COL5A2: variants seen among roughly 807,000 people sequenced by gnomAD.
COL5A2 encodes the protein collagen alpha-2(V) chain.
In COL5A2, 23 loss-of-function variants were observed where a neutral mutation model predicts 208.2. That is an observed-to-expected ratio of 0.11 (90% confidence interval 0.08 to 0.16). COL5A2 has a LOEUF of 0.16. COL5A2 is among the 10% of genes least tolerant of loss of function. The probability of loss-of-function intolerance (pLI) is 1.00; values close to 1 mark genes in which losing one functional copy is unlikely to be tolerated. For missense variants in COL5A2, 1,590 were observed against 1,956.4 expected (o/e 0.81, Z 3.53); for synonymous variants, 625 against 628.5 (o/e 0.99, Z 0.08).
At chr2:189,277,332 T>TCA in the COL5A2 span, among the ~76,000 whole-genome samples, 1 of 152,136 alleles carries the variant, frequency 6.6e-6, no homozygotes, top group Non-Finnish European at 1.5e-5. Context: ...CCAAGATTCA[T>TCA]GGAAGCTCAT....
At chr2:189,171,229 C>T (rs552307686) in intron 1 of COL5A2, among the ~76,000 whole-genome samples, 3 of 152,068 alleles carry the variant, frequency 2.0e-5, no homozygotes, top group African/African-American at 7.2e-5. Flanking sequence ...GCTAGATCAG[C>T]AGGATCTTGT....
chr2:189,176,192 G>T (rs911277176), intron 1 of COL5A2, among the ~76,000 whole-genome samples: 1 of 152,178 alleles, frequency 6.6e-6, no homozygotes, highest in Non-Finnish European at 1.5e-5. Flanking sequence ...AAGTTAGCTT[G>T]GGTCCAGGAG....
At chr2:189,217,669 C>T (rs566277515) in intron 1 of COL5A2, among the ~76,000 whole-genome samples, 9 of 152,220 alleles carry the variant, frequency 5.9e-5, no homozygotes, top group Non-Finnish European at 7.4e-5. Flanking sequence ...CTAGCAGAGG[C>T]GCAGCTTCCA....
At chr2:189,221,706 C>T (rs191307423) in intron 1 of COL5A2, among the ~76,000 whole-genome samples, 99 of 151,950 alleles carry the variant, frequency 6.5e-4, no homozygotes, top group Non-Finnish European at 1.1e-3. Context: ...AGTTCTTGAC[C>T]CTTGCAAAGA....
chr2:189,418,412 T>TA, the COL5A2 span, among the ~76,000 whole-genome samples: 1 of 152,164 alleles, frequency 6.6e-6, no homozygotes, highest in African/African-American at 2.4e-5. Flanking sequence ...AGTTATCACT[T>TA]AGTCTTTTCT....
chr2:189,383,973 T>A, the COL5A2 span, among the ~76,000 whole-genome samples: 1 of 152,138 alleles, frequency 6.6e-6, no homozygotes, highest in Admixed American at 6.6e-5. Context: ...TGAGATCATT[T>A]TTTTAGCTCC....
At chr2:189,195,318 CACAA>C (rs1403570655) in intron 1 of COL5A2, among the ~76,000 whole-genome samples, 2 of 152,012 alleles carry the variant, frequency 1.3e-5, no homozygotes, top group Admixed American at 6.6e-5. Flanking sequence ...TAAGAGAGGA[CACAA>C]ACAAAGGAAA....
At chr2:189,382,276 G>A in the COL5A2 span, among the ~76,000 whole-genome samples, 30 of 152,068 alleles carry the variant, frequency 2.0e-4, no homozygotes, top group Admixed American at 2.6e-4. Flanking sequence ...AGGATCACCC[G>A]AGCCCGGGGA....
At chr2:189,175,796 G>T (rs1003723007) in intron 1 of COL5A2, among the ~76,000 whole-genome samples, 1 of 151,996 alleles carries the variant, frequency 6.6e-6, no homozygotes, top group Non-Finnish European at 1.5e-5. Flanking sequence ...CAGGTGATCC[G>T]CCCACCTCGG....
chr2:189,039,163 A>G (rs766622628), intron 51 of COL5A2, 109 bp downstream of exon 51: 77 of 1,336,668 alleles, frequency 5.8e-5, no homozygotes, highest in Middle Eastern at 1.8e-4. Context: ...TACTATTTTT[A>G]TCTCAAATCT....
At position 189,032,646 on chromosome 2, in the gene COL5A2, A is replaced by G. The variant is rs562299073; in HGVS notation, c.*1424T>C. On this transcript the variant is annotated 3_prime_UTR_variant, in exon 54 of 54. Coordinates refer to ENST00000374866, the MANE Select transcript of COL5A2 (RefSeq NM_000393.5). ...AAAAAAATTAAAATAGAGCCAACAA[A>G]TGCAATTAAGAAAAAAAAAGTATTG... The G allele has an allele frequency of 2.0e-5, 3 of 152,352 alleles. No individual in the cohort carries two copies. The highest frequency in any genetic ancestry group is 7.2e-5 in the African/African-American group (3 of 41,552). 9.4% of individuals were successfully genotyped at this position (152,352 alleles called of 1,614,324 possible).
At chr2:189,058,807 C>G (rs189044272) in intron 32 of COL5A2, 42 bp downstream of exon 32, 102 of 1,573,598 alleles carry the variant, frequency 6.5e-5, no homozygotes, top group Non-Finnish European at 8.7e-5. Context: ...AAAACTGAAG[C>G]CAGTGGGAAA....
chr2:189,120,058 A>G (rs969021575), intron 1 of COL5A2, among the ~76,000 whole-genome samples: 1 of 152,170 alleles, frequency 6.6e-6, no homozygotes, highest in Non-Finnish European at 1.5e-5. Flanking sequence ...AAAGGAATAG[A>G]GGCATTAGTT....
At chr2:189,238,365 G>GA in the COL5A2 span, among the ~76,000 whole-genome samples, 2 of 152,006 alleles carry the variant, frequency 1.3e-5, no homozygotes, top group Admixed American at 6.6e-5. Context: ...CCTGTACATT[G>GA]AAAATGGATC....
the COL5A2 span, among the ~76,000 whole-genome samples, chr2:189,354,008 T>C: frequency 6.6e-6 from 1 of 152,212 alleles, no homozygotes; most frequent in Admixed American, 6.5e-5. Flanking sequence ...ATGTTGAATA[T>C]TGTCAAAGGC....
At chr2:189,123,904 C>T (rs556658955) in intron 1 of COL5A2, among the ~76,000 whole-genome samples, 3 of 152,112 alleles carry the variant, frequency 2.0e-5, no homozygotes, top group South Asian at 2.1e-4. Context: ...AACTATTATA[C>T]ATTGTGTTAG....
At chr2:189,321,222 G>A in the COL5A2 span, among the ~76,000 whole-genome samples, 7 of 152,134 alleles carry the variant, frequency 4.6e-5, no homozygotes, top group Non-Finnish European at 1.0e-4. Context: ...ATGCCAAATT[G>A]TAAAGACCAT....
At chr2:189,419,804 A>C in the COL5A2 span, among the ~76,000 whole-genome samples, 2 of 151,344 alleles carry the variant, frequency 1.3e-5, no homozygotes, top group Non-Finnish European at 2.9e-5. Context: ...AAGAAGAAAA[A>C]CAGAAAAGAA....
the COL5A2 span, among the ~76,000 whole-genome samples, chr2:189,438,050 T>A: frequency 6.6e-6 from 1 of 151,756 alleles, no homozygotes; most frequent in Non-Finnish European, 1.5e-5. Context: ...AACAAGAAGA[T>A]AACCAATAAA....
Sources: allele counts gnomAD v4.1 joint callset (sites outside exome capture counted in the v4.1 genomes callset), GRCh38; gene constraint gnomAD v4.1.1; transcripts MANE v1.5; gene names NCBI Gene and HGNC (gene_info 2026-07-23, HGNC 2026-07-21).